GALNTL6: variants seen among roughly 807,000 people sequenced by gnomAD.
GALNTL6 encodes polypeptide N-acetylgalactosaminyltransferase-like 6.
Under a neutral mutation model 73.7 loss-of-function variants are expected in GALNTL6, and 46 were observed. The ratio of observed to expected loss-of-function variants is 0.62; its 90% confidence interval spans 0.49 to 0.80. The LOEUF (loss-of-function observed/expected upper bound fraction) is 0.80. Ranked by LOEUF, GALNTL6 falls within the 30% of genes least tolerant of loss-of-function variation. The pLI is 0.00. For missense variants in GALNTL6, 604 were observed against 755.0 expected, an observed-to-expected ratio of 0.80 and a Z score of 2.34; for synonymous variants, 259 against 263.7, an observed-to-expected ratio of 0.98 and a Z score of 0.17.
At chr4:172,335,656 T>A (rs998226803) in intron 4 of GALNTL6, among the ~76,000 whole-genome samples, 10 of 152,194 alleles carry the variant, frequency 6.6e-5, no homozygotes, top group Non-Finnish European at 1.5e-4. Context: ...TTTCAATTTC[T>A]TCCTGATTCA....
chr4:172,418,522 G>A (rs953541002), intron 5 of GALNTL6, among the ~76,000 whole-genome samples: 1 of 152,116 alleles, frequency 6.6e-6, no homozygotes, highest in East Asian at 1.9e-4. Flanking sequence ...GGGGAACCAA[G>A]CCAAGTCAAC....
chr4:172,969,441 CT>C (rs1302702001), intron 10 of GALNTL6, among the ~76,000 whole-genome samples: 1 of 151,998 alleles, frequency 6.6e-6, no homozygotes, highest in Non-Finnish European at 1.5e-5. Flanking sequence ...TCAAAGAAAC[CT>C]TTTCAAAATA....
At chr4:172,185,940 T>G (rs1451996234) in intron 2 of GALNTL6, among the ~76,000 whole-genome samples, 2 of 152,156 alleles carry the variant, frequency 1.3e-5, no homozygotes, top group African/African-American at 4.8e-5. Flanking sequence ...TTGCAATTTC[T>G]CAGAAGGAAG....
At chr4:172,552,098 C>T (rs550905099) in intron 5 of GALNTL6, among the ~76,000 whole-genome samples, 9 of 152,174 alleles carry the variant, frequency 5.9e-5, no homozygotes, top group East Asian at 1.9e-4. Context: ...AATTTAGCCT[C>T]GCTACTTTCC....
intron 10 of GALNTL6, among the ~76,000 whole-genome samples, chr4:172,980,050 G>C (rs913107778): frequency 6.6e-6 from 1 of 152,192 alleles, no homozygotes; most frequent in Non-Finnish European, 1.5e-5. Flanking sequence ...GTGAGATAGA[G>C]TCAGCTCTAA....
intron 3 of GALNTL6, among the ~76,000 whole-genome samples, chr4:172,234,108 G>A (rs1229251501): frequency 2.6e-5 from 4 of 151,946 alleles, no homozygotes; most frequent in African/African-American, 7.2e-5. Context: ...TTTAGAAAAT[G>A]TTCTAAGGTT....
chr4:171,874,509 T>C (rs1465533742), intron 2 of GALNTL6, among the ~76,000 whole-genome samples: 1 of 152,128 alleles, frequency 6.6e-6, no homozygotes, highest in Non-Finnish European at 1.5e-5. Flanking sequence ...ATTTTTTAAA[T>C]TTCCTAGGGA....
At chr4:172,052,465 C>T (rs1387400659) in intron 2 of GALNTL6, 4 of 1,535,120 alleles carry the variant, frequency 2.6e-6, no homozygotes, top group South Asian at 2.4e-5. Context: ...AGTTCAGAGC[C>T]GGAGCTGGCC....
chr4:172,336,878 G>A (rs1315177931), intron 4 of GALNTL6, among the ~76,000 whole-genome samples: 1 of 152,122 alleles, frequency 6.6e-6, no homozygotes, highest in Non-Finnish European at 1.5e-5. Flanking sequence ...ATTATTGTAT[G>A]ACTGTGTCTT....
At chr4:172,211,991 G>A (rs1736338431) in intron 2 of GALNTL6, among the ~76,000 whole-genome samples, 1 of 152,072 alleles carries the variant, frequency 6.6e-6, no homozygotes, top group Non-Finnish European at 1.5e-5. Flanking sequence ...ATAGCAAGGT[G>A]CTTATTTCAA....
intron 2 of GALNTL6, among the ~76,000 whole-genome samples, chr4:172,161,117 A>ATGC: frequency 6.6e-6 from 1 of 152,112 alleles, no homozygotes; most frequent in South Asian, 2.1e-4. Context: ...ACAAAGAGGG[A>ATGC]TGCTTCTGCT....
At chr4:172,782,592 T>TC (rs1361251409) in intron 5 of GALNTL6, among the ~76,000 whole-genome samples, 2 of 151,984 alleles carry the variant, frequency 1.3e-5, no homozygotes, top group Admixed American at 6.6e-5. Flanking sequence ...TGAATCTATC[T>TC]CCCCCAACCC....
At chr4:172,934,555 C>T (rs1254668198) in intron 9 of GALNTL6, among the ~76,000 whole-genome samples, 1 of 152,180 alleles carries the variant, frequency 6.6e-6, no homozygotes, top group African/African-American at 2.4e-5. Context: ...TACACTTCAG[C>T]TTCATCTGGG....
rs751724080 is a variant in GALNTL6, at chr4:173,039,924, C to T, written c.1639-9C>T. Reference sequence around the variant, plus strand: ...CAACAGTCTTTTCTTTTCTTCCTCACTCCTCCAGGACAGAACATTATTCCA... The same window carrying T: ...CAACAGTCTTTTCTTTTCTTCCTCATTCCTCCAGGACAGAACATTATTCCA... On this transcript the variant is annotated splice_polypyrimidine_tract_variant and intron_variant, in intron 12 of 12. Coordinates refer to ENST00000506823, the MANE Select transcript of GALNTL6 (RefSeq NM_001034845.3). The T allele has an allele frequency of 3.8e-5, 60 of 1,599,504 alleles. No individual in the cohort carries two copies. The highest frequency in any genetic ancestry group is 5.0e-5 in the Non-Finnish European group (59 of 1,175,546).
chr4:172,807,175 G>T (rs374104195), intron 5 of GALNTL6, among the ~76,000 whole-genome samples: 60 of 152,310 alleles, frequency 3.9e-4, no homozygotes, highest in African/African-American at 1.3e-3. Flanking sequence ...GAGAAGGGAG[G>T]CCATCATGTT....
At chr4:172,850,191 T>C (rs1313971527) in intron 7 of GALNTL6, among the ~76,000 whole-genome samples, 1 of 152,126 alleles carries the variant, frequency 6.6e-6, no homozygotes, top group Non-Finnish European at 1.5e-5. Context: ...TTACTGTGAG[T>C]CTCCTTGGCA....
chr4:172,197,315 C>G (rs1184801431), intron 2 of GALNTL6, among the ~76,000 whole-genome samples: 1 of 152,162 alleles, frequency 6.6e-6, no homozygotes, highest in African/African-American at 2.4e-5. Context: ...GAAAGGTATT[C>G]CATGCTTCCA....
chr4:171,901,815 A>G (rs1002073466), intron 2 of GALNTL6, among the ~76,000 whole-genome samples: 1 of 152,206 alleles, frequency 6.6e-6, no homozygotes, highest in Non-Finnish European at 1.5e-5. Flanking sequence ...GATTTGACAT[A>G]ATCATATGGG....
chr4:172,348,632 C>A lies in GALNTL6; in HGVS notation c.496C>A (p.Arg166=), dbSNP rs747462866. ...LLRTIHSIIN[R]TPGSLIAEII... The stretch of plus-strand genomic sequence containing the variant: ...GCGGACCATACACAGTATAATTAAC[C>A]GAACCCCAGGGAGTCTGATAGCAGA... Residue 166 remains arginine (R), a synonymous_variant, in exon 5 of 13, where the codon CGA becomes AGA. Coordinates refer to ENST00000506823, the MANE Select transcript of GALNTL6 (RefSeq NM_001034845.3). The A allele has an allele frequency of 1.2e-6, 2 of 1,611,536 alleles. No homozygotes were observed. The highest frequency in any genetic ancestry group is 1.7e-6 in the Non-Finnish European group (2 of 1,178,510).
Sources: gnomAD v4.1 joint callset for allele counts (sites outside exome capture counted in the v4.1 genomes callset) on GRCh38, gnomAD v4.1.1 for gene constraint, MANE v1.5 for transcripts, NCBI Gene and HGNC (gene_info 2026-07-23, HGNC 2026-07-21) for gene names.